The following SLC16A10 variants were observed in gnomAD, a reference collection of about 807,000 sequenced individuals.
SLC16A10 encodes solute carrier family 16 member 10, also known as monocarboxylate transporter 10.
Under a neutral mutation model 40.0 loss-of-function variants are expected in SLC16A10, and 27 were observed. The observed-to-expected ratio is 0.67, with a 90% CI of 0.50 to 0.93. The LOEUF is 0.93. SLC16A10 is among the 40% of genes least tolerant of loss of function. SLC16A10 has a pLI of 0.00. For missense variants in SLC16A10, 529 were observed against 658.2 expected (o/e 0.80, Z 2.15); for synonymous variants, 213 against 249.8 (o/e 0.85, Z 1.39).
At chr6:111,177,767 C>A in intron 3 of SLC16A10, 102 bp downstream of exon 3, 1 of 1,066,364 alleles carries the variant, frequency 9.4e-7, no homozygotes, top group Middle Eastern at 2.2e-4. Context: ...CAAACATTAT[C>A]CTGGTTGTAA....
Position 111,177,283 on chromosome 6 carries a change from C to T in SLC16A10, c.560C>T (p.Ser187Leu). The change falls in exon 3 of 6, where the codon TCA (serine) becomes TTA (leucine). Residue 187 changes from serine (S) to leucine (L), a missense_variant. Transcript: ENST00000368851. ...ACGCSFAYQPSLVILGHYFKK... is the reference protein window; with the variant it reads ...ACGCSFAYQPLLVILGHYFKK... ...GGCTGCTCCTTTGCATACCAGCCTTCATTGGTCATTTTGGGACACTATTTC... is the reference window on the plus strand; with the variant it reads ...GGCTGCTCCTTTGCATACCAGCCTTTATTGGTCATTTTGGGACACTATTTC... 1 of 1,609,286 alleles carries T rather than the reference C, an allele frequency of 6.2e-7. No homozygotes were observed. The highest frequency in any genetic ancestry group is 1.7e-5 in the Admixed American group (1 of 58,906).
At chr6:111,203,760 G>A (rs1293424809) in intron 3 of SLC16A10, among the ~76,000 whole-genome samples, 3 of 68,816 alleles carry the variant, frequency 4.4e-5, no homozygotes, top group Non-Finnish European at 1.1e-4. Flanking sequence ...ATAAAATAAT[G>A]CCCCTTCTAG....
At chr6:111,198,799 T>TA (rs1171662874) in intron 3 of SLC16A10, among the ~76,000 whole-genome samples, 7 of 152,232 alleles carry the variant, frequency 4.6e-5, no homozygotes, top group African/African-American at 1.7e-4. Flanking sequence ...ATTTAGCCGA[T>TA]AGGTGACTTT....
chr6:111,107,545 G>A (rs1460646429), intron 1 of SLC16A10, among the ~76,000 whole-genome samples: 1 of 152,162 alleles, frequency 6.6e-6, no homozygotes, highest in African/African-American at 2.4e-5. Flanking sequence ...CAATTTTCAA[G>A]GAAAAAATTA....
At chr6:111,217,970 C>A (rs1306517756) in intron 4 of SLC16A10, among the ~76,000 whole-genome samples, 1 of 152,090 alleles carries the variant, frequency 6.6e-6, no homozygotes, top group Admixed American at 6.5e-5. Context: ...CAGTGCCTAC[C>A]AAATAGTAGG....
intron 1 of SLC16A10, among the ~76,000 whole-genome samples, chr6:111,096,482 C>T (rs912222285): frequency 1.3e-5 from 2 of 149,618 alleles, no homozygotes; most frequent in African/African-American, 2.6e-5. Context: ...CTGGGAACTG[C>T]GCAGACCCAC....
At chr6:111,193,336 T>G in intron 3 of SLC16A10, 1 of 985,840 alleles carries the variant, frequency 1.0e-6, no homozygotes, top group Non-Finnish European at 1.2e-6. Flanking sequence ...TTAGTGACAA[T>G]TTGCCCATTT....
intron 1 of SLC16A10, among the ~76,000 whole-genome samples, chr6:111,119,780 C>A (rs1771551504): frequency 6.6e-6 from 1 of 152,208 alleles, no homozygotes; most frequent in South Asian, 2.1e-4. Context: ...CAAGAAGAAA[C>A]ACCAGATACA....
At chr6:111,117,859 C>T (rs1218092349) in intron 1 of SLC16A10, among the ~76,000 whole-genome samples, 2 of 152,160 alleles carry the variant, frequency 1.3e-5, no homozygotes, top group East Asian at 3.8e-4. Flanking sequence ...CCCAGGGACC[C>T]AGCAGTGAAC....
chr6:111,111,226 A>T (rs1481632846), intron 1 of SLC16A10, among the ~76,000 whole-genome samples: 1 of 152,222 alleles, frequency 6.6e-6, no homozygotes, highest in Admixed American at 6.5e-5. Context: ...TTTGTAAAAA[A>T]AATTGACAGA....
intron 1 of SLC16A10, among the ~76,000 whole-genome samples, chr6:111,119,855 G>T (rs1771553075): frequency 6.6e-6 from 1 of 152,202 alleles, no homozygotes; most frequent in African/African-American, 2.4e-5. Flanking sequence ...TGGCAGGCTT[G>T]CTGGTCTTCA....
chr6:111,204,374 C>T (rs1773220837), intron 3 of SLC16A10, among the ~76,000 whole-genome samples: 1 of 152,102 alleles, frequency 6.6e-6, no homozygotes, highest in Non-Finnish European at 1.5e-5. Context: ...GAGTTCAGCA[C>T]AGGGCCTGTT....
chr6:111,107,781 A>G (rs2114452191), intron 1 of SLC16A10, among the ~76,000 whole-genome samples: 1 of 152,298 alleles, frequency 6.6e-6, no homozygotes, highest in South Asian at 2.1e-4. Context: ...ATGATAAGAG[A>G]CTTTTGGGAT....
At chr6:111,213,035 T>C (rs1773369886) in intron 4 of SLC16A10, among the ~76,000 whole-genome samples, 1 of 152,226 alleles carries the variant, frequency 6.6e-6, no homozygotes, top group Non-Finnish European at 1.5e-5. Context: ...GTGTTTTTAA[T>C]GTAATATATA....
intron 1 of SLC16A10, among the ~76,000 whole-genome samples, chr6:111,160,688 A>G (rs891391104): frequency 6.6e-6 from 1 of 152,214 alleles, no homozygotes; most frequent in Non-Finnish European, 1.5e-5. Context: ...AAGTGTAAGG[A>G]TGGGTGGAGA....
rs542376688 is a variant in SLC16A10, at chr6:111,224,015, G to C, written c.*1780G>C. ...AGCACTTTGGTAGTCCAAGGCAGGG[G>C]GATCACTTGAGCCCAGAAGTTCAAG... On this transcript the variant is annotated 3_prime_UTR_variant, in exon 6 of 6. Coordinates refer to ENST00000368851, the MANE Select transcript of SLC16A10 (RefSeq NM_018593.5). 1 of 152,362 alleles carries C rather than the reference G, an allele frequency of 6.6e-6. No individual in the cohort carries two copies. Among genetic ancestry groups the C allele is most frequent in the Non-Finnish European group, 1.5e-5 (1 of 68,090 alleles). The allele number at this position is 152,362 out of a possible 1,614,324, so 9.4% of individuals were successfully genotyped here.
chr6:111,132,881 T>G (rs753441987), intron 1 of SLC16A10, among the ~76,000 whole-genome samples: 29 of 152,178 alleles, frequency 1.9e-4, no homozygotes, highest in Non-Finnish European at 3.5e-4. Context: ...TTAGGAAAAT[T>G]GCCTAATAAT....
chr6:111,179,450 G>A (rs1176216735), intron 3 of SLC16A10, among the ~76,000 whole-genome samples: 1 of 152,160 alleles, frequency 6.6e-6, no homozygotes, highest in Non-Finnish European at 1.5e-5. Flanking sequence ...CTCTTCCACT[G>A]TGCTTACCTG....
chr6:111,184,009 C>T (rs755606729), intron 3 of SLC16A10, among the ~76,000 whole-genome samples: 13 of 152,002 alleles, frequency 8.6e-5, no homozygotes, highest in South Asian at 4.2e-4. Flanking sequence ...TGATAAATGC[C>T]GAAGAATGAC....
Sources: gnomAD v4.1 joint callset for allele counts (sites outside exome capture counted in the v4.1 genomes callset) on GRCh38, gnomAD v4.1.1 for gene constraint, MANE v1.5 for transcripts, NCBI Gene and HGNC (gene_info 2026-07-23, HGNC 2026-07-21) for gene names.